The following SNX13 variants were observed in gnomAD, a reference collection of about 807,000 sequenced individuals.
SNX13 encodes the protein sorting nexin-13.
Under a neutral mutation model 133.6 loss-of-function variants are expected in SNX13, and 45 were observed. That is an observed-to-expected ratio of 0.34 (90% CI 0.27 to 0.43). The LOEUF is 0.43. Among genes scored for constraint, SNX13 ranks in the 20% least tolerant of loss-of-function variants. SNX13 has a pLI of 1.00. For synonymous variants in SNX13, 414 were observed against 373.9 expected (o/e 1.11, Z -1.24); for missense variants, 1,032 against 1,145.1 (o/e 0.90, Z 1.43).
At chr7:17,915,627 CTG>C (rs376801382) in intron 1 of SNX13, among the ~76,000 whole-genome samples, 4,658 of 152,038 alleles carry the variant, frequency 0.031, 245 homozygotes, top group African/African-American at 0.11. Flanking sequence ...GTCTGTCTGT[CTG>C]TCTCTCTCTC....
chr7:17,885,953 G>C (rs1475202668), intron 5 of SNX13, among the ~76,000 whole-genome samples: 1 of 151,986 alleles, frequency 6.6e-6, no homozygotes, highest in Non-Finnish European at 1.5e-5. Context: ...GTCTTTCCAA[G>C]TAATGTCAGT....
chr7:17,823,825 G>A (rs1459853891), intron 17 of SNX13, among the ~76,000 whole-genome samples: 1 of 152,082 alleles, frequency 6.6e-6, no homozygotes, highest in African/African-American at 2.4e-5. Flanking sequence ...AAGGAAAATA[G>A]AAAGCAGAGG....
chr7:17,801,614 G>A lies in SNX13; in HGVS notation c.2272C>T (p.Arg758Ter). 1.2e-6 allele frequency: 2 copies of A among 1,609,128 alleles called. No homozygotes were observed. The highest frequency in any genetic ancestry group is 1.7e-6 in the Non-Finnish European group (2 of 1,177,742). ...PKTDSDPEHR[R>*]VSAQLDDNVD... ...TTATCGTCAAGTTGAGCCGAAACTCGGCGATGTTCAGGGTCTGAATCAGTC... is the reference window on the plus strand; with the variant it reads ...TTATCGTCAAGTTGAGCCGAAACTCAGCGATGTTCAGGGTCTGAATCAGTC... The change falls in exon 22 of 26, where the codon CGA (arginine) becomes TGA (stop). Residue 758 changes from arginine to a stop codon, truncating the protein, a stop_gained. Coordinates refer to ENST00000428135, the MANE Select transcript of SNX13 (RefSeq NM_015132.5). LOFTEE classifies it high-confidence loss of function.
chr7:17,843,195 T>C (rs1309030724), intron 12 of SNX13, among the ~76,000 whole-genome samples: 3 of 152,022 alleles, frequency 2.0e-5, no homozygotes. Context: ...ACAAAGACTT[T>C]AGATACAAAG....
chr7:17,843,816 A>T (rs563828855), intron 12 of SNX13, among the ~76,000 whole-genome samples: 1 of 152,176 alleles, frequency 6.6e-6, no homozygotes, highest in East Asian at 1.9e-4. Context: ...CTTTTTATTT[A>T]CCCTACTTAT....
intron 9 of SNX13, among the ~76,000 whole-genome samples, chr7:17,858,618 T>C (rs546015717): frequency 2.0e-5 from 3 of 152,032 alleles, no homozygotes; most frequent in Non-Finnish European, 4.4e-5. Context: ...AGGTTTTTAA[T>C]AAAAACTAAA....
intron 1 of SNX13, among the ~76,000 whole-genome samples, chr7:17,939,046 T>A (rs772600220): frequency 7.2e-5 from 11 of 152,240 alleles, no homozygotes; most frequent in Non-Finnish European, 1.3e-4. Context: ...GAAGTTACAA[T>A]CAACCAGTAA....
In SNX13 at chr7:17,792,443, A is replaced by C. The variant is rs1468108950; in HGVS notation, c.*1602T>G. On this transcript the variant is annotated 3_prime_UTR_variant, in exon 26 of 26. Transcript: ENST00000428135. The stretch of plus-strand genomic sequence containing the variant: ...TATAAGTATGCACAACAGCATTATT[A>C]ATAAATATGATTATTATAAAGCTTT... The C allele has an allele frequency of 1.3e-5, 2 of 152,462 alleles. No individual in the cohort carries two copies. The highest frequency in any genetic ancestry group is 1.3e-4 in the Admixed American group (2 of 15,244). The allele number at this position is 152,462 out of a possible 1,614,324, so 9.4% of individuals were successfully genotyped here.
chr7:17,901,077 T>A (rs938051675), intron 1 of SNX13, among the ~76,000 whole-genome samples: 2 of 152,140 alleles, frequency 1.3e-5, no homozygotes, highest in Non-Finnish European at 2.9e-5. Context: ...AGCAGTAGGT[T>A]CCCTTCTGGC....
At chr7:17,801,717 C>A in intron 21 of SNX13, 58 bp from the exon 22 acceptor site, 1 of 1,281,050 alleles carries the variant, frequency 7.8e-7, no homozygotes, top group East Asian at 2.4e-5. Flanking sequence ...TGAAAGAACA[C>A]AACACAATCA....
chr7:17,840,436 G>A (rs865880172), intron 12 of SNX13, among the ~76,000 whole-genome samples: 1 of 151,830 alleles, frequency 6.6e-6, no homozygotes, highest in Non-Finnish European at 1.5e-5. Context: ...CAATCCTAAC[G>A]TAATAGCAAT....
At chr7:17,805,211 T>TGTGTGTGTGTG in intron 20 of SNX13, among the ~76,000 whole-genome samples, 1 of 118,492 alleles carries the variant, frequency 8.4e-6, no homozygotes, top group Non-Finnish European at 1.7e-5. Context: ...TAATGATTCT[T>TGTGTGTGTGTG]TGTGTGTGTG....
intron 2 of SNX13, among the ~76,000 whole-genome samples, chr7:17,893,722 C>T (rs1160144897): frequency 6.6e-6 from 1 of 152,092 alleles, no homozygotes; most frequent in East Asian, 1.9e-4. Context: ...TGCCTGTAAT[C>T]CCAGCACTTT....
intron 1 of SNX13, among the ~76,000 whole-genome samples, chr7:17,913,760 C>CAAAAAAAAAAAAAAAAAAAAAAAAAA (rs71010278): frequency 9.2e-5 from 5 of 54,064 alleles, no homozygotes; most frequent in Non-Finnish European, 1.2e-4. Context: ...TTAACAAAAA[C>CAAAAAAAAAAAAAAAAAAAAAAAAAA]AAAAAAAAAA....
chr7:17,894,344 G>C (rs1053017374), intron 2 of SNX13, among the ~76,000 whole-genome samples: 10 of 151,738 alleles, frequency 6.6e-5, no homozygotes, highest in African/African-American at 2.4e-4. Context: ...AAGTAGGCTA[G>C]CTAATAACCA....
At position 17,796,896 on chromosome 7, in the gene SNX13, A is replaced by G; in HGVS notation, c.2557T>C (p.Cys853Arg). Residue 853 changes from cysteine to arginine, a missense_variant, in exon 25 of 26, where the codon TGC becomes CGC. Transcript: ENST00000428135. ...PNGILAEAVP[C>R]RDKSIRMRTR... ...CTCATTCGAATACTTTTATCTCTGC[A>G]TGGAACAGCCTCTGCTAAAATGCCA... is the stretch of plus-strand genomic sequence containing the variant. 6.2e-7 allele frequency: 1 copy of G among 1,611,298 alleles called. No individual in the cohort carries two copies. The highest frequency in any genetic ancestry group is 8.5e-7 in the Non-Finnish European group (1 of 1,178,178).
At chr7:17,824,121 G>A (rs1787607389) in intron 17 of SNX13, among the ~76,000 whole-genome samples, 1 of 151,906 alleles carries the variant, frequency 6.6e-6, no homozygotes, top group Non-Finnish European at 1.5e-5. Flanking sequence ...GTTTTTATTA[G>A]GCCAATGTTA....
chr7:17,939,126 T>C lies in SNX13; in HGVS notation c.12+1158A>G, dbSNP rs573048701. On this transcript the variant is annotated intron_variant, in intron 1 of 25. Coordinates refer to ENST00000428135, the MANE Select transcript of SNX13 (RefSeq NM_015132.5). Reference sequence around the variant, plus strand: ...AGCAAAGTATAAAGTTCCTCAAAGTTAGTCACGTTCCAAGGACCTGAAATT... The same window carrying C: ...AGCAAAGTATAAAGTTCCTCAAAGTCAGTCACGTTCCAAGGACCTGAAATT... Among the ~76,000 whole-genome samples the C allele has an allele frequency of 7.9e-5, 12 of 152,330 alleles. No individual in the cohort carries two copies. The South Asian group carries it at 2.3e-3, about 29-fold the overall frequency.
At chr7:17,808,068 T>G (rs1785529780) in intron 20 of SNX13, among the ~76,000 whole-genome samples, 1 of 152,102 alleles carries the variant, frequency 6.6e-6, no homozygotes, top group African/African-American at 2.4e-5. Flanking sequence ...GGATCACAAC[T>G]CCTTGCTAGC....
Sources: gnomAD v4.1 joint callset for allele counts (sites outside exome capture counted in the v4.1 genomes callset) on GRCh38, gnomAD v4.1.1 for gene constraint, MANE v1.5 for transcripts, NCBI Gene and HGNC (gene_info 2026-07-23, HGNC 2026-07-21) for gene names.